Variants in LRRC7 observed in about 807,000 individuals in gnomAD.
LRRC7 encodes the protein leucine-rich repeat-containing protein 7.
Under a neutral mutation model 175.7 loss-of-function variants are expected in LRRC7, and 23 were observed. That is an observed-to-expected ratio of 0.13 (90% CI 0.09 to 0.19). The LOEUF is 0.19. LRRC7 is among the 10% of genes least tolerant of loss of function. The pLI is 1.00. For missense variants in LRRC7, 1,354 were observed against 1,904.7 expected (o/e 0.71, Z 5.38); for synonymous variants, 685 against 680.9 (o/e 1.01, Z -0.09).
Position 69,769,598 on chromosome 1 carries a change from C to T in LRRC7, c.303+9205C>T, listed in dbSNP as rs140054071. Among the ~76,000 whole-genome samples, 77 of 152,212 alleles carry T rather than the reference C, an allele frequency of 5.1e-4. 1 individual carries two copies. The highest frequency in any genetic ancestry group is 7.9e-4 in the Non-Finnish European group (54 of 68,024). Reference sequence around the variant, plus strand: ...TTTTGTGTTTAGACTCTGGTCCCATCCTCAAGATATCTCATTATGTATATG... The same window carrying T: ...TTTTGTGTTTAGACTCTGGTCCCATTCTCAAGATATCTCATTATGTATATG... On this transcript the variant is annotated intron_variant, in intron 3 of 26. Coordinates refer to ENST00000651989, the MANE Select transcript of LRRC7 (RefSeq NM_001370785.2).
chr1:70,023,196 G>A lies in LRRC7; in HGVS notation c.1616G>A (p.Gly539Asp). 1 of 1,589,792 alleles carries A rather than the reference G, an allele frequency of 6.3e-7. No individual in the cohort carries two copies. Among genetic ancestry groups the A allele is most frequent in the Non-Finnish European group, 8.6e-7 (1 of 1,164,914 alleles). Residue 539 changes from glycine to aspartate, a missense_variant, in exon 17 of 27, where the codon GGC (glycine) becomes GAC (aspartate). This residue lies in a region of LRRC7 where 1,032 missense variants were observed against 1,227.2 expected (regional missense o/e 0.84). Transcript: ENST00000651989. The stretch of plus-strand genomic sequence containing the variant: ...ACTCTCCAACCTGCCAGACTGTCTG[G>A]CGATTGCTGCACACCATGGGCCAGG... ...GITLQPARLS[G>D]DCCTPWARCD...
chr1:69,577,793 T>G (rs1318749033), intron 1 of LRRC7, among the ~76,000 whole-genome samples: 2 of 152,176 alleles, frequency 1.3e-5, no homozygotes, highest in Non-Finnish European at 2.9e-5. Flanking sequence ...CCTTGTAGTA[T>G]AGTTTGAAGT....
At chr1:69,579,064 C>A (rs1646087538) in intron 1 of LRRC7, among the ~76,000 whole-genome samples, 1 of 151,902 alleles carries the variant, frequency 6.6e-6, no homozygotes, top group Non-Finnish European at 1.5e-5. Flanking sequence ...TATTGCTTAA[C>A]AATGGAAACA....
At chr1:69,697,481 A>G (rs1662758871) in intron 2 of LRRC7, among the ~76,000 whole-genome samples, 4 of 152,218 alleles carry the variant, frequency 2.6e-5, no homozygotes, top group Admixed American at 2.6e-4. Context: ...CAAAACCATA[A>G]TAAGTGTTCT....
chr1:69,586,168 T>C (rs1646395809), intron 1 of LRRC7, among the ~76,000 whole-genome samples: 1 of 152,192 alleles, frequency 6.6e-6, no homozygotes, highest in South Asian at 2.1e-4. Flanking sequence ...TTTTTGTCAA[T>C]TTAAAATACT....
At chr1:69,941,665 AACT>A (rs1421409720) in intron 8 of LRRC7, among the ~76,000 whole-genome samples, 1 of 152,086 alleles carries the variant, frequency 6.6e-6, no homozygotes, top group Non-Finnish European at 1.5e-5. Context: ...AAAAAAAAGA[AACT>A]ACAAATTTTA....
At position 70,059,474 on chromosome 1, in the gene LRRC7, AGTGTGTGTGTGT is replaced by A. The variant is rs10542055; in HGVS notation, c.4230+6361_4230+6372del. ...TTATCAGAAGAAGAAACTAGAAGAA[AGTGTGTGTGTGT>A]GTGTGTGTGTGTGTGTGTGTGTGTG... On this transcript the variant is annotated intron_variant, in intron 23 of 26. Coordinates refer to ENST00000651989, the MANE Select transcript of LRRC7 (RefSeq NM_001370785.2). Among the ~76,000 whole-genome samples, 115 of 132,288 alleles carry A rather than the reference AGTGTGTGTGTGT, an allele frequency of 8.7e-4. 2 individuals are homozygous for A. Among genetic ancestry groups the A allele is most frequent in the East Asian group, 8.1e-3 (36 of 4,450 alleles). The allele number at this position is 132,288 out of a possible 152,430, so 86.8% of individuals were successfully genotyped here. A position where few individuals can be genotyped will look rare whatever the true frequency, so the allele number is the denominator to read the frequency against.
intron 8 of LRRC7, among the ~76,000 whole-genome samples, chr1:69,964,668 G>A (rs544504554): frequency 6.6e-6 from 1 of 152,162 alleles, no homozygotes; most frequent in South Asian, 2.1e-4. Flanking sequence ...AGATCTAATT[G>A]GGAAAAAGTC....
intron 22 of LRRC7, among the ~76,000 whole-genome samples, chr1:70,047,776 C>T (rs962739043): frequency 3.3e-5 from 5 of 151,698 alleles, no homozygotes; most frequent in African/African-American, 4.8e-5. Flanking sequence ...TTTTATAGAA[C>T]TCTTTCAGAT....
At chr1:69,621,232 G>A (rs372454359) in intron 1 of LRRC7, among the ~76,000 whole-genome samples, 2 of 151,800 alleles carry the variant, frequency 1.3e-5, no homozygotes, top group Non-Finnish European at 2.9e-5. Context: ...TTTTAGTAGC[G>A]ACAGGGTTTC....
intron 2 of LRRC7, among the ~76,000 whole-genome samples, chr1:69,680,840 C>T (rs1476087089): frequency 6.6e-6 from 1 of 151,956 alleles, no homozygotes; most frequent in African/African-American, 2.4e-5. Context: ...AAAATGAGGA[C>T]ATGCTAGAGC....
At chr1:69,593,300 A>G (rs188565009) in intron 1 of LRRC7, among the ~76,000 whole-genome samples, 1 of 152,306 alleles carries the variant, frequency 6.6e-6, no homozygotes, top group Non-Finnish European at 1.5e-5. Flanking sequence ...AACAACCTAC[A>G]GTAGAATCCA....
At chr1:69,809,081 G>T (rs552075472) in intron 4 of LRRC7, among the ~76,000 whole-genome samples, 1 of 151,842 alleles carries the variant, frequency 6.6e-6, no homozygotes, top group Non-Finnish European at 1.5e-5. Context: ...ATAAAAAATG[G>T]TAAAGGGGGT....
chr1:69,984,574 T>C (rs778580819), intron 9 of LRRC7, among the ~76,000 whole-genome samples: 6 of 152,134 alleles, frequency 3.9e-5, no homozygotes, highest in Non-Finnish European at 5.9e-5. Flanking sequence ...CTCTAGTCCG[T>C]GTCCCGCCCA....
chr1:69,843,938 G>T (rs1682030016), intron 7 of LRRC7, among the ~76,000 whole-genome samples: 1 of 152,066 alleles, frequency 6.6e-6, no homozygotes, highest in Non-Finnish European at 1.5e-5. Context: ...ATTTGGGTTT[G>T]AAGATTAGAT....
At chr1:69,687,763 A>G (rs1362349824) in intron 2 of LRRC7, among the ~76,000 whole-genome samples, 1 of 152,080 alleles carries the variant, frequency 6.6e-6, no homozygotes, top group Non-Finnish European at 1.5e-5. Context: ...AAGAGATAAC[A>G]CTTAAAATTA....
intron 26 of LRRC7, among the ~76,000 whole-genome samples, chr1:70,116,343 G>A (rs1382201579): frequency 6.6e-6 from 1 of 152,044 alleles, no homozygotes; most frequent in Non-Finnish European, 1.5e-5. Flanking sequence ...GTCAGGAGAT[G>A]GAGACCATCC....
At chr1:69,700,166 C>T (rs1171467591) in intron 2 of LRRC7, among the ~76,000 whole-genome samples, 2 of 152,138 alleles carry the variant, frequency 1.3e-5, no homozygotes, top group South Asian at 2.1e-4. Context: ...TAGCACAAAA[C>T]AGTCAGGAGT....
rs908634736 is a variant in LRRC7 at position 69,889,693 on chromosome 1, G to C, written c.648-41814G>C. Among the ~76,000 whole-genome samples the C allele has an allele frequency of 2.2e-4, 33 of 150,544 alleles. 1 individual carries two copies. Among genetic ancestry groups the C allele is most frequent in the Admixed American group, 2.2e-3 (33 of 15,232 alleles). On this transcript the variant is annotated intron_variant, in intron 7 of 26. Transcript: ENST00000651989. The stretch of plus-strand genomic sequence containing the variant: ...GTGGTGTCATGCACCTGTAGTCCCA[G>C]CTACTCAGGAGGCTGAGGTGGGAGG...
Sources: gnomAD v4.1 joint callset for allele counts (sites outside exome capture counted in the v4.1 genomes callset) on GRCh38, gnomAD v4.1.1 for gene constraint, gnomAD v4.1.1 regional missense constraint, MANE v1.5 for transcripts, NCBI Gene and HGNC (gene_info 2026-07-23, HGNC 2026-07-21) for gene names.